Variants in BCAS3 observed in about 807,000 individuals in gnomAD.
BCAS3 encodes BCAS3 microtubule associated cell migration factor, also known as BCAS4/BCAS3 fusion.
In BCAS3, 53 loss-of-function variants were observed where a neutral mutation model predicts 116.1. That is an observed-to-expected ratio of 0.46 (90% confidence interval 0.37 to 0.57). BCAS3 has a LOEUF of 0.57. Among genes scored for constraint, BCAS3 ranks in the 20% least tolerant of loss-of-function variants. BCAS3 has a pLI of 0.00. For missense variants in BCAS3, 917 were observed against 1,165.4 expected, an observed-to-expected ratio of 0.79 and a Z score of 3.10; for synonymous variants, 391 against 408.2, an observed-to-expected ratio of 0.96 and a Z score of 0.51.
intron 7 of BCAS3, among the ~76,000 whole-genome samples, chr17:60,856,838 A>T (rs1219724632): frequency 1.3e-5 from 2 of 152,188 alleles, no homozygotes; most frequent in East Asian, 3.8e-4. Context: ...ACTTAATTTA[A>T]CCTTTTAATT....
At chr17:60,970,446 A>G (rs910868399) in intron 14 of BCAS3, among the ~76,000 whole-genome samples, 1 of 152,208 alleles carries the variant, frequency 6.6e-6, no homozygotes, top group African/African-American at 2.4e-5. Context: ...ATTGCCTATA[A>G]GGTAGTGTTG....
chr17:60,894,891 T>C (rs1056273912), intron 10 of BCAS3, among the ~76,000 whole-genome samples: 4 of 152,160 alleles, frequency 2.6e-5, no homozygotes, highest in African/African-American at 9.7e-5. Context: ...TGTTGAACCA[T>C]CCCTATGTCT....
At chr17:60,855,596 A>T (rs2053609230) in intron 7 of BCAS3, among the ~76,000 whole-genome samples, 1 of 151,828 alleles carries the variant, frequency 6.6e-6, no homozygotes, top group Non-Finnish European at 1.5e-5. Context: ...CTGGGACTAC[A>T]GGTGTGTGCC....
chr17:61,103,514 G>A (rs954164344), intron 22 of BCAS3, among the ~76,000 whole-genome samples: 32 of 152,140 alleles, frequency 2.1e-4, no homozygotes, highest in African/African-American at 7.5e-4. Context: ...AAATACTGCT[G>A]CCCAAATGGA....
At position 61,332,784 on chromosome 17, in the gene BCAS3, T is replaced by C. The variant is rs778064759; in HGVS notation, c.2426-35543T>C. ...GCGTCTGCCACCACGCCTGGCTAAT[T>C]TTTGTATTTTTAGGAGAGACGGGGT... On this transcript the variant is annotated intron_variant, in intron 22 of 23. Transcript: ENST00000407086. This position sits in a 1 kb window ranked among gnomAD's most constrained non-coding sequence, Gnocchi z 5.4. Among the ~76,000 whole-genome samples the C allele has an allele frequency of 6.6e-6, 1 of 152,050 alleles. No homozygotes were observed. Among genetic ancestry groups the C allele is most frequent in the Non-Finnish European group, 1.5e-5 (1 of 68,012 alleles).
rs988899094 is a variant in BCAS3, at chr17:61,219,861, G to A, written c.2425+135297G>A. ...AAAAAAGGAAAGGTCTTTTAAGGAC[G>A]TTTTTTTCCCATCCTGTTTGGGGTA... On this transcript the variant is annotated intron_variant, in intron 22 of 23. Transcript: ENST00000407086. The surrounding 1 kb of genome is among the most constrained non-coding windows in gnomAD (Gnocchi z 5.2). Among the ~76,000 whole-genome samples the A allele has an allele frequency of 1.3e-5, 2 of 152,086 alleles. No individual in the cohort carries two copies. The highest frequency in any genetic ancestry group is 2.9e-5 in the Non-Finnish European group (2 of 68,004).
At chr17:60,921,486 G>A (rs909909074) in intron 12 of BCAS3, among the ~76,000 whole-genome samples, 5 of 151,006 alleles carry the variant, frequency 3.3e-5, no homozygotes, top group South Asian at 2.1e-4. Context: ...AGTGGCGGGC[G>A]CCTGTAGTCC....
In BCAS3 at chr17:61,106,019, C is replaced by T. The variant is rs1392529752; in HGVS notation, c.2425+21455C>T. ...CTCCAGGCTGTCTATGCTACCTATC[C>T]TTTGGTCACTTGGCAGCCGTCTTGG... On this transcript the variant is annotated intron_variant, in intron 22 of 23. Transcript: ENST00000407086. The surrounding 1 kb of genome is among the most constrained non-coding windows in gnomAD (Gnocchi z 4.2). 6.6e-6 allele frequency among the ~76,000 whole-genome samples: 1 copy of T among 152,160 alleles called. No individual in the cohort carries two copies. Among genetic ancestry groups the T allele is most frequent in the Non-Finnish European group, 1.5e-5 (1 of 68,026 alleles).
At chr17:61,271,182 C>T (rs1043610377) in intron 22 of BCAS3, among the ~76,000 whole-genome samples, 4 of 134,104 alleles carry the variant, frequency 3.0e-5, no homozygotes, top group Non-Finnish European at 6.1e-5. Context: ...GGCTGGAGTA[C>T]AGTGGCACCA....
chr17:61,074,827 T>C (rs2071799484), intron 19 of BCAS3, 93 bp from the exon 20 acceptor site: 1 of 684,606 alleles, frequency 1.5e-6, no homozygotes, highest in Non-Finnish European at 2.4e-6. Flanking sequence ...TTTTATCTTA[T>C]AAATTACCAT....
At chr17:61,152,717 T>TAA (rs111771842) in intron 22 of BCAS3, among the ~76,000 whole-genome samples, 2 of 146,300 alleles carry the variant, frequency 1.4e-5, no homozygotes, top group East Asian at 3.9e-4. Flanking sequence ...GGTTAACTTC[T>TAA]AAAAAAAAAA....
At chr17:61,303,648 G>A (rs1330184852) in intron 22 of BCAS3, among the ~76,000 whole-genome samples, 3 of 152,194 alleles carry the variant, frequency 2.0e-5, no homozygotes, top group Non-Finnish European at 2.9e-5. Context: ...ACAGGTACAC[G>A]GCAGTGTGCA....
chr17:61,001,882 A>G (rs1232936387), intron 15 of BCAS3, among the ~76,000 whole-genome samples: 2 of 152,174 alleles, frequency 1.3e-5, no homozygotes, highest in African/African-American at 4.8e-5. Flanking sequence ...AAGACAGAGC[A>G]GATGAGTTTG....
chr17:61,223,815 A>G (rs1489265000), intron 22 of BCAS3, among the ~76,000 whole-genome samples: 1 of 152,248 alleles, frequency 6.6e-6, no homozygotes, highest in African/African-American at 2.4e-5. Context: ...TGAGGTGGCC[A>G]TTTAATGAAA....
chr17:60,972,444 CTTTTTTTTTTT>C (rs150860541), intron 14 of BCAS3, among the ~76,000 whole-genome samples: 17 of 114,126 alleles, frequency 1.5e-4, no homozygotes, highest in Non-Finnish European at 2.6e-4. Flanking sequence ...CTCACTTGGC[CTTTTTTTTTTT>C]TTTTTTTTTT....
In BCAS3 at chr17:61,252,915, T is replaced by C. The variant is rs1228262205; in HGVS notation, c.2426-115412T>C. ...TTTTTTTTGAGATGGAGTCTTACTC[T>C]GTTGCCCAGGCTGGAGTGCAGTGGT... On this transcript the variant is annotated intron_variant, in intron 22 of 23. Transcript: ENST00000407086. Among the ~76,000 whole-genome samples, 4 of 148,872 alleles carry C rather than the reference T, an allele frequency of 2.7e-5. No individual in the cohort carries two copies. The Admixed American group carries it at 2.7e-4, about 10-fold the overall frequency.
chr17:60,780,663 G>A (rs2045745507), intron 6 of BCAS3, among the ~76,000 whole-genome samples: 4 of 152,058 alleles, frequency 2.6e-5, no homozygotes, highest in Admixed American at 2.0e-4. Context: ...GAGATTTATT[G>A]GTGTAAAAGA....
chr17:61,289,861 T>TA (rs550493750), intron 22 of BCAS3, among the ~76,000 whole-genome samples: 12 of 152,346 alleles, frequency 7.9e-5, no homozygotes, highest in African/African-American at 2.9e-4. Context: ...TCTTAAGCCA[T>TA]AAAAGCGAAG....
chr17:61,030,071 A>C (rs999446837), intron 16 of BCAS3, among the ~76,000 whole-genome samples: 29 of 152,242 alleles, frequency 1.9e-4, no homozygotes, highest in African/African-American at 6.0e-4. Context: ...TGAGAATGAG[A>C]AAAAACTTCT....
Sources: allele counts gnomAD v4.1 joint callset (sites outside exome capture counted in the v4.1 genomes callset), GRCh38; gene constraint gnomAD v4.1.1; non-coding constraint Gnocchi (gnomAD v3.1); transcripts MANE v1.5; gene names NCBI Gene and HGNC (gene_info 2026-07-23, HGNC 2026-07-21).